The following RNF32 variants were observed in gnomAD, a reference collection of about 807,000 sequenced individuals.
RNF32 encodes the protein ring finger protein 32.
Under a neutral mutation model 41.0 loss-of-function variants are expected in RNF32, and 36 were observed. The ratio of observed to expected loss-of-function variants is 0.88; its 90% CI spans 0.67 to 1.16. RNF32 has a LOEUF of 1.16. RNF32 is among the 50% of genes most tolerant of loss of function. RNF32 has a pLI of 0.00. For synonymous variants in RNF32, 154 were observed against 160.9 expected, an observed-to-expected ratio of 0.96 and a Z score of 0.32; for missense variants, 413 against 436.7, an observed-to-expected ratio of 0.95 and a Z score of 0.48.
intron 1 of RNF32, among the ~76,000 whole-genome samples, chr7:156,643,275 A>G (rs1305130020): frequency 1.3e-5 from 2 of 152,212 alleles, no homozygotes; most frequent in Non-Finnish European, 2.9e-5. Flanking sequence ...GTCTGTCCCC[A>G]TATTCTGTAC....
At chr7:156,659,584 CAATTTT>C (rs1187192988) in intron 7 of RNF32, 2 of 955,778 alleles carry the variant, frequency 2.1e-6, no homozygotes, top group African/African-American at 1.8e-5. Context: ...ACCTCTTATA[CAATTTT>C]AATTACAGAT....
At position 156,644,708 on chromosome 7, in the gene RNF32, C is replaced by T. The variant is rs199666661; in HGVS notation, c.225C>T (p.Asp75=). ...KKTTQCPKLE[D]SEKEYVLDPK... is the part of the protein sequence containing the mutation. ...CTACACAGTGCCCCAAACTAGAAGA[C>T]TCAGAAAAAGAATATGTTCTTGATC... Residue 75 remains aspartate, a synonymous_variant, in exon 3 of 9, where the codon GAC becomes GAT. Transcript: ENST00000317955. 5.6e-6 allele frequency: 9 copies of T among 1,612,120 alleles called. No homozygotes were observed. Among genetic ancestry groups the T allele is most frequent in the Non-Finnish European group, 6.8e-6 (8 of 1,179,664 alleles).
At chr7:156,652,503 A>G (rs1297634929) in intron 3 of RNF32, among the ~76,000 whole-genome samples, 1 of 152,148 alleles carries the variant, frequency 6.6e-6, no homozygotes, top group African/African-American at 2.4e-5. Flanking sequence ...GTCTCCTGAT[A>G]TATGTTTTTC....
At position 156,676,594 on chromosome 7, in the gene RNF32, C is replaced by T. The variant is rs779674010; in HGVS notation, c.1028C>T (p.Pro343Leu). The change falls in exon 9 of 9, where the codon CCT becomes CTT. Residue 343 changes from proline to leucine, a missense_variant. Coordinates refer to ENST00000317955, the MANE Select transcript of RNF32 (RefSeq NM_030936.4). ...GAGGAGTTCTCCGTGGGAGACAGGC[C>T]TCCTTTCCATGCCTGTCCTCTCTGC... ...ALEEFSVGDR[P>L]PFHACPLCRS... 3.4e-5 allele frequency: 55 copies of T among 1,614,186 alleles called. No homozygotes were observed. The highest frequency in any genetic ancestry group is 4.4e-5 in the Non-Finnish European group (52 of 1,180,004).
chr7:156,643,097 G>A (rs1797573223), intron 1 of RNF32: 1 of 152,190 alleles, frequency 6.6e-6, no homozygotes, highest in Non-Finnish European at 1.5e-5. Context: ...AGTAAGTTCT[G>A]TGTGAAAAGA....
intron 7 of RNF32, among the ~76,000 whole-genome samples, chr7:156,664,354 A>C (rs749254213): frequency 3.3e-5 from 5 of 152,052 alleles, no homozygotes; most frequent in African/African-American, 4.8e-5. Context: ...CCAGCTACTC[A>C]GGAGGCTGAG....
intron 7 of RNF32, among the ~76,000 whole-genome samples, chr7:156,661,533 C>CA (rs1270097627): frequency 2.6e-5 from 4 of 152,160 alleles, no homozygotes; most frequent in African/African-American, 9.7e-5. Flanking sequence ...GTTGGCCAGG[C>CA]AGGTCCTGAA....
At position 156,654,732 on chromosome 7, in the gene RNF32, G is replaced by A. The variant is rs201135865; in HGVS notation, c.417+14G>A. 1.3e-4 allele frequency: 214 copies of A among 1,611,954 alleles called. No homozygotes were observed. Among genetic ancestry groups the A allele is most frequent in the Admixed American group, 2.2e-4 (13 of 59,982 alleles). ...CTTCGTCCTCAGGTGTTTAGCATAC[G>A]AGGGTGAGCTAGAGAGCTCCTGGGC... On this transcript the variant is annotated intron_variant, in intron 4 of 8. Coordinates refer to ENST00000317955, the MANE Select transcript of RNF32 (RefSeq NM_030936.4).
At chr7:156,645,014 AAAAT>A (rs1797809657) in intron 3 of RNF32, among the ~76,000 whole-genome samples, 1 of 152,212 alleles carries the variant, frequency 6.6e-6, no homozygotes, top group African/African-American at 2.4e-5. Context: ...CACATTGATA[AAAAT>A]AAATAATTGA....
chr7:156,650,164 T>C (rs1798528983), intron 3 of RNF32, among the ~76,000 whole-genome samples: 1 of 152,188 alleles, frequency 6.6e-6, no homozygotes, highest in African/African-American at 2.4e-5. Context: ...TTTGGTGGCT[T>C]ATTGATGTTT....
chr7:156,659,731 C>A lies in RNF32; in HGVS notation c.684+1161C>A, dbSNP rs1800317788. ...CCCATTGAACTGGACGAGAACTGGC[C>A]CAGGTTGCTGGAAACAAGTGAAGCA... is the stretch of plus-strand genomic sequence containing the variant. On this transcript the variant is annotated intron_variant, in intron 7 of 8. Coordinates refer to ENST00000317955, the MANE Select transcript of RNF32 (RefSeq NM_030936.4). The A allele has an allele frequency of 5.4e-6, 4 of 738,174 alleles. No homozygotes were observed. The South Asian group carries it at 1.8e-4, about 34-fold the overall frequency. 45.7% of individuals were successfully genotyped at this position (738,174 alleles called of 1,614,324 possible).
intron 3 of RNF32, among the ~76,000 whole-genome samples, chr7:156,645,973 A>G (rs377586457): frequency 6.6e-6 from 1 of 152,338 alleles, no homozygotes; most frequent in African/African-American, 2.4e-5. Context: ...GTCATTCTCT[A>G]TAGAAATAAG....
chr7:156,671,736 C>T (rs1277475248), intron 7 of RNF32, among the ~76,000 whole-genome samples: 1 of 152,174 alleles, frequency 6.6e-6, no homozygotes, highest in Non-Finnish European at 1.5e-5. Flanking sequence ...CCTCCCCAGT[C>T]GTCCTAGTAT....
intron 7 of RNF32, chr7:156,659,958 C>T (rs548810609): frequency 1.0e-6 from 1 of 985,454 alleles, no homozygotes; most frequent in Non-Finnish European, 1.2e-6. Context: ...TTCAGTGTCT[C>T]CCACAGAGAG....
chr7:156,673,129 T>C (rs1257601169), intron 7 of RNF32, among the ~76,000 whole-genome samples: 1 of 152,208 alleles, frequency 6.6e-6, no homozygotes, highest in Admixed American at 6.5e-5. Context: ...TCATTCCAAA[T>C]AGTACTTTTA....
intron 3 of RNF32, among the ~76,000 whole-genome samples, chr7:156,646,739 C>T (rs1798011587): frequency 6.6e-6 from 1 of 152,222 alleles, no homozygotes; most frequent in Non-Finnish European, 1.5e-5. Flanking sequence ...GTTCCTTATC[C>T]ACTACTCACA....
rs141996377 is a variant in RNF32, at chr7:156,648,583, C to A, written c.274+3826C>A. 4.6e-5 allele frequency among the ~76,000 whole-genome samples: 7 copies of A among 152,248 alleles called. No individual in the cohort carries two copies. In the East Asian group the frequency reaches 1.2e-3, roughly 25 times the overall value. On this transcript the variant is annotated intron_variant, in intron 3 of 8. Coordinates refer to ENST00000317955, the MANE Select transcript of RNF32 (RefSeq NM_030936.4). ...AAGTTATTAAGGAAAATAGATGAGA[C>A]CTTTTTTCAGGACCTCTTTATGGAA...
At chr7:156,661,322 ATTTTT>A (rs112482414) in intron 7 of RNF32, among the ~76,000 whole-genome samples, 1 of 144,212 alleles carries the variant, frequency 6.9e-6, no homozygotes, top group Non-Finnish European at 1.5e-5. Flanking sequence ...GGGCCTTAGG[ATTTTT>A]TTTTTTTTTT....
At chr7:156,666,984 G>A (rs199599318) in intron 7 of RNF32, among the ~76,000 whole-genome samples, 1 of 152,176 alleles carries the variant, frequency 6.6e-6, no homozygotes, top group Non-Finnish European at 1.5e-5. Context: ...TTTAGGGGCT[G>A]CTGGCTCCCA....
Sources: allele counts gnomAD v4.1 joint callset (sites outside exome capture counted in the v4.1 genomes callset), GRCh38; gene constraint gnomAD v4.1.1; transcripts MANE v1.5; gene names NCBI Gene and HGNC (gene_info 2026-07-23, HGNC 2026-07-21).